TMEM35A: variants seen among roughly 807,000 people sequenced by gnomAD.
TMEM35A encodes the protein nicotinic acetylcholine receptor chaperone.
For missense variants in TMEM35A, 83 were observed against 132.7 expected, an observed-to-expected ratio of 0.63 and a Z score of 1.84; for synonymous variants, 50 against 54.7, an observed-to-expected ratio of 0.91 and a Z score of 0.38.
In TMEM35A at chrX:101,079,115, G is replaced by A; in HGVS notation, c.113G>A (p.Ser38Asn). Reference protein sequence around the residue: ...LTPRLSKDAYSEMKRAYKSYV... With the variant: ...LTPRLSKDAYNEMKRAYKSYV... ...CCCAGGCTCAGCAAGGATGCCTACA[G>A]TGAGATGGTAAGTGAAGCAAACGGG... The change falls in exon 1 of 2, where the codon AGT becomes AAT. Residue 38 changes from serine to asparagine, a missense_variant. By Grantham distance (46) the Ser-to-Asn change is conservative. Transcript: ENST00000372930. 8.3e-7 allele frequency: 1 copy of A among 1,211,187 alleles called. No individual in the cohort carries two copies. The highest frequency in any genetic ancestry group is 3.0e-5 in the East Asian group (1 of 33,817).
chrX:101,087,917 C>A (rs759443600), intron 1 of TMEM35A, among the ~76,000 whole-genome samples: 1 of 110,968 alleles, frequency 9.0e-6, no homozygotes, highest in Non-Finnish European at 1.9e-5. Context: ...GAGGCTGAGG[C>A]GGGAGAATCA....
In TMEM35A at chrX:101,079,095, G is replaced by C; in HGVS notation, c.93G>C (p.Arg31Ser). The change falls in exon 1 of 2, where the codon AGG becomes AGC. Residue 31 changes from arginine (R) to serine (S), a missense_variant. Arg to Ser is a moderately radical substitution (Grantham distance 110). Coordinates refer to ENST00000372930, the MANE Select transcript of TMEM35A (RefSeq NM_021637.3). ...TGGGGACTATCAAGCTGACCCCCAG[G>C]CTCAGCAAGGATGCCTACAGTGAGA... ...VFMGTIKLTP[R>S]LSKDAYSEMK... The C allele has an allele frequency of 8.3e-7, 1 of 1,211,293 alleles. No individual in the cohort carries two copies. Among genetic ancestry groups the C allele is most frequent in the Non-Finnish European group, 1.1e-6 (1 of 895,316 alleles).
intron 1 of TMEM35A, among the ~76,000 whole-genome samples, chrX:101,085,526 G>A (rs369053558): frequency 8.1e-5 from 9 of 110,956 alleles, no homozygotes; most frequent in African/African-American, 2.6e-4. Flanking sequence ...GCTTGAACCC[G>A]GGAGGTGGAG....
chrX:101,082,133 C>CTTTTTTTTTT, intron 1 of TMEM35A, among the ~76,000 whole-genome samples: 33 of 20,461 alleles, frequency 1.6e-3, no homozygotes, highest in Non-Finnish European at 2.3e-3. Flanking sequence ...TTCTTTCTTT[C>CTTTTTTTTTT]TTTTTTTTTT....
intron 1 of TMEM35A, among the ~76,000 whole-genome samples, chrX:101,079,435 A>G (rs983186719): frequency 9.0e-6 from 1 of 111,539 alleles, no homozygotes; most frequent in Non-Finnish European, 1.9e-5. Context: ...CCCTCCTTCC[A>G]GCACACACCC....
chrX:101,093,116 C>CA (rs781448005), intron 1 of TMEM35A, among the ~76,000 whole-genome samples: 374 of 111,086 alleles, frequency 3.4e-3, no homozygotes, highest in African/African-American at 0.012. Context: ...TAACAAATTC[C>CA]AATTTAGGGA....
At chrX:101,088,118 A>G (rs1301426048) in intron 1 of TMEM35A, among the ~76,000 whole-genome samples, 3 of 111,707 alleles carry the variant, frequency 2.7e-5, no homozygotes, top group Non-Finnish European at 3.8e-5. Flanking sequence ...GAATCACTTG[A>G]ATCCAGGAGA....
intron 1 of TMEM35A, among the ~76,000 whole-genome samples, chrX:101,082,318 C>T (rs905128438): frequency 9.8e-6 from 1 of 102,540 alleles, no homozygotes; most frequent in Non-Finnish European, 2.0e-5. Context: ...GGAAAGAGTG[C>T]AGGCTTTATG....
At chrX:101,089,462 A>G (rs2089316838) in intron 1 of TMEM35A, among the ~76,000 whole-genome samples, 1 of 109,535 alleles carries the variant, frequency 9.1e-6, no homozygotes, top group Non-Finnish European at 1.9e-5. Context: ...TGCTGACTTT[A>G]CCTTACTCCA....
chrX:101,088,201 A>G lies in TMEM35A; in HGVS notation c.121-6372A>G, dbSNP rs192794976. Among the ~76,000 whole-genome samples the G allele has an allele frequency of 2.9e-3, 325 of 110,895 alleles. 4 individuals carry two copies. Among genetic ancestry groups the G allele is most frequent in the African/African-American group, 0.011 (320 of 30,436 alleles). On this transcript the variant is annotated intron_variant, in intron 1 of 1. Transcript: ENST00000372930. ...TGACAGAGCCAGATTCCATCTCAAAAAAAACAAAAAACAAAAAACAAAACA... is the reference window on the plus strand; with the variant it reads ...TGACAGAGCCAGATTCCATCTCAAAGAAAACAAAAAACAAAAAACAAAACA...
intron 1 of TMEM35A, among the ~76,000 whole-genome samples, chrX:101,087,012 C>T (rs2089309353): frequency 9.7e-6 from 1 of 103,040 alleles, no homozygotes; most frequent in African/African-American, 3.6e-5. Context: ...GCTAGAGTGC[C>T]ATGGTGTGGC....
intron 1 of TMEM35A, among the ~76,000 whole-genome samples, chrX:101,092,476 T>A (rs1214729788): frequency 8.9e-6 from 1 of 111,866 alleles, no homozygotes; most frequent in Non-Finnish European, 1.9e-5. Flanking sequence ...CCCCTACTAG[T>A]CTGAAAGCTT....
intron 1 of TMEM35A, among the ~76,000 whole-genome samples, chrX:101,080,490 C>G (rs981247804): frequency 9.0e-6 from 1 of 111,203 alleles, no homozygotes; most frequent in Admixed American, 9.6e-5. Flanking sequence ...AGTGGCAAAT[C>G]CTTACATGCT....
intron 1 of TMEM35A, among the ~76,000 whole-genome samples, chrX:101,079,952 G>A (rs1288565373): frequency 8.9e-6 from 1 of 111,771 alleles, no homozygotes; most frequent in African/African-American, 3.2e-5. Flanking sequence ...CCTGGGGGCT[G>A]GGCTGCTTTC....
rs937852354 is a variant in TMEM35A, at chrX:101,095,665, T to A, written c.*709T>A. ...AAAACAAGGGATGCATGCAGTCAAA[T>A]TGATAGTTTAATTCTTCAAGTGATA... On this transcript the variant is annotated 3_prime_UTR_variant, in exon 2 of 2. Transcript: ENST00000372930. The A allele has an allele frequency of 8.6e-5, 9 of 104,120 alleles. No individual in the cohort carries two copies. The highest frequency in any genetic ancestry group is 3.0e-4 in the African/African-American group (9 of 29,732). 8.6% of individuals were successfully genotyped at this position (104,120 alleles called of 1,213,427 possible).
intron 1 of TMEM35A, among the ~76,000 whole-genome samples, chrX:101,080,069 G>A: frequency 8.9e-6 from 1 of 111,774 alleles, no homozygotes; most frequent in Non-Finnish European, 1.9e-5. Context: ...CTGTCACTTT[G>A]CCTCTTCTTT....
chrX:101,081,731 G>A (rs1481164057), intron 1 of TMEM35A: 2 of 112,171 alleles, frequency 1.8e-5, no homozygotes, highest in African/African-American at 3.2e-5. Context: ...ATCTCAAAGC[G>A]TTGTTGCTGC....
In TMEM35A at chrX:101,094,794, C is replaced by T. The variant is rs753652147; in HGVS notation, c.342C>T (p.Arg114=). The T allele has an allele frequency of 1.7e-6, 2 of 1,211,409 alleles. No homozygotes were observed. Among genetic ancestry groups the T allele is most frequent in the Non-Finnish European group, 2.2e-6 (2 of 895,542 alleles). Residue 114 remains arginine (R), a synonymous_variant, in exon 2 of 2, where the codon CGC becomes CGT. Transcript: ENST00000372930. The part of the protein sequence containing the change: ...FHQLVGDPLK[R]YAHALVFGIL... The stretch of plus-strand genomic sequence containing the variant: ...AGCTGGTCGGTGATCCTCTCAAACG[C>T]TACGCCCATGCTCTGGTGTTTGGAA...
chrX:101,084,968 T>G (rs1479113518), intron 1 of TMEM35A, among the ~76,000 whole-genome samples: 1 of 111,850 alleles, frequency 8.9e-6, no homozygotes, highest in Non-Finnish European at 1.9e-5. Flanking sequence ...TTCCAGTTAC[T>G]ACCCCCATCA....
Sources: allele counts gnomAD v4.1 joint callset (sites outside exome capture counted in the v4.1 genomes callset), GRCh38; gene constraint gnomAD v4.1.1; transcripts MANE v1.5; gene names NCBI Gene and HGNC (gene_info 2026-07-23, HGNC 2026-07-21).